The following TLL1 variants were observed in gnomAD, a reference collection of about 807,000 sequenced individuals.
TLL1 encodes tolloid-like protein 1.
TLL1 carries 49 observed loss-of-function variants against 128.2 expected under a neutral mutation model. The ratio of observed to expected loss-of-function variants is 0.38; its 90% CI spans 0.30 to 0.48. The LOEUF (loss-of-function observed/expected upper bound fraction) is 0.48, where lower values mean the gene tolerates loss of function less well. TLL1 is among the 20% of genes least tolerant of loss of function. The pLI is 0.96. For synonymous variants in TLL1, 454 were observed against 418.8 expected (o/e 1.08, Z -1.03); for missense variants, 1,123 against 1,242.0 (o/e 0.90, Z 1.44).
At chr4:165,888,987 A>G (rs1007762451) in intron 1 of TLL1, among the ~76,000 whole-genome samples, 2 of 152,180 alleles carry the variant, frequency 1.3e-5, no homozygotes, top group African/African-American at 2.4e-5. Flanking sequence ...TCCTCTGCTT[A>G]TCTCTCTGGA....
intron 1 of TLL1, among the ~76,000 whole-genome samples, chr4:165,939,097 A>T (rs762169576): frequency 3.9e-5 from 6 of 151,966 alleles, no homozygotes; most frequent in African/African-American, 9.7e-5. Context: ...AGAAAATCTG[A>T]TCAGAAGCTC....
chr4:165,883,516 A>G (rs1446636794), intron 1 of TLL1, among the ~76,000 whole-genome samples: 1 of 152,182 alleles, frequency 6.6e-6, no homozygotes, highest in East Asian at 1.9e-4. Flanking sequence ...TTTTTGAGCT[A>G]TAAAATAAAG....
intron 1 of TLL1, among the ~76,000 whole-genome samples, chr4:165,894,025 A>G (rs933252723): frequency 6.6e-6 from 1 of 152,236 alleles, no homozygotes; most frequent in Non-Finnish European, 1.5e-5. Context: ...AACAATGGAA[A>G]TGTTTATCAT....
intron 1 of TLL1, among the ~76,000 whole-genome samples, chr4:165,878,120 T>G (rs1324493468): frequency 6.6e-6 from 1 of 152,208 alleles, no homozygotes; most frequent in Non-Finnish European, 1.5e-5. Flanking sequence ...CCTCAGTTTA[T>G]AATTTCTAGG....
At chr4:165,949,929 T>C (rs1734429900) in intron 1 of TLL1, among the ~76,000 whole-genome samples, 1 of 152,200 alleles carries the variant, frequency 6.6e-6, no homozygotes, top group East Asian at 1.9e-4. Flanking sequence ...CCAAACATAT[T>C]AATAACCACA....
chr4:165,939,126 T>G (rs958353061), intron 1 of TLL1, among the ~76,000 whole-genome samples: 1 of 152,090 alleles, frequency 6.6e-6, no homozygotes, highest in African/African-American at 2.4e-5. Flanking sequence ...TGGATGGATC[T>G]TGCAAACTTT....
Position 166,043,433 on chromosome 4 carries a change from G to A in TLL1, c.1524+14G>A. On this transcript the variant is annotated intron_variant, in intron 12 of 20. Coordinates refer to ENST00000061240, the MANE Select transcript of TLL1 (RefSeq NM_012464.5). ...CAGTCCTTTGAGGTAAAGTCTTTTAGGCTATCTTCCTGGCAAATATTCTCC... is the reference window on the plus strand; with the variant it reads ...CAGTCCTTTGAGGTAAAGTCTTTTAAGCTATCTTCCTGGCAAATATTCTCC... 6.2e-7 allele frequency: 1 copy of A among 1,613,994 alleles called. No homozygotes were observed. The highest frequency in any genetic ancestry group is 8.5e-7 in the Non-Finnish European group (1 of 1,179,916).
At chr4:165,973,483 C>T (rs534965651) in intron 1 of TLL1, among the ~76,000 whole-genome samples, 1 of 151,932 alleles carries the variant, frequency 6.6e-6, no homozygotes, top group Non-Finnish European at 1.5e-5. Context: ...CTTTTGGTTA[C>T]AGTCCCTTGC....
intron 1 of TLL1, among the ~76,000 whole-genome samples, chr4:165,900,022 A>G (rs1366293675): frequency 2.7e-5 from 4 of 147,864 alleles, no homozygotes; most frequent in Non-Finnish European, 4.5e-5. Flanking sequence ...CTGTTTTATC[A>G]GGGACTAGGA....
chr4:166,003,413 C>T lies in TLL1; in HGVS notation c.655C>T (p.Arg219Ter), dbSNP rs965632437. 1.9e-6 allele frequency: 3 copies of T among 1,613,904 alleles called. No individual in the cohort carries two copies. The highest frequency in any genetic ancestry group is 2.2e-5 in the South Asian group (2 of 91,078). ...CAGATGCTGCTCCTATGTAGGTCGGCGAGGAAATGGACCTCAGGCAATCTC... is the reference window on the plus strand; with the variant it reads ...CAGATGCTGCTCCTATGTAGGTCGGTGAGGAAATGGACCTCAGGCAATCTC... ...PCGCCSYVGR[R>*]GNGPQAISIG... is the part of the protein sequence containing the mutation. The change falls in exon 6 of 21, where the codon CGA becomes TGA. Residue 219 changes from arginine to a stop codon, truncating the protein, a stop_gained. Transcript: ENST00000061240. LOFTEE classifies it high-confidence loss of function.
At chr4:165,993,755 C>T (rs1207539814) in intron 3 of TLL1, among the ~76,000 whole-genome samples, 2 of 152,076 alleles carry the variant, frequency 1.3e-5, no homozygotes, top group African/African-American at 4.8e-5. Context: ...AAAGCTGCTC[C>T]AGAATAGAAT....
intron 15 of TLL1, among the ~76,000 whole-genome samples, chr4:166,065,382 C>T (rs537964583): frequency 6.6e-6 from 1 of 152,126 alleles, no homozygotes; most frequent in Admixed American, 6.6e-5. Context: ...AAGCCGAACT[C>T]CTTGTTGTTA....
chr4:166,038,955 TG>T (rs997523497), intron 9 of TLL1, among the ~76,000 whole-genome samples: 3 of 152,150 alleles, frequency 2.0e-5, no homozygotes, highest in South Asian at 2.1e-4. Flanking sequence ...AAGACTTTCA[TG>T]AAAAAAATAG....
intron 12 of TLL1, among the ~76,000 whole-genome samples, chr4:166,052,139 G>A (rs923018268): frequency 4.3e-4 from 65 of 152,032 alleles, no homozygotes; most frequent in African/African-American, 1.5e-3. Context: ...GAAATTTTGA[G>A]TTTCATTTTC....
chr4:165,882,247 A>G lies in TLL1; in HGVS notation c.169+8174A>G, dbSNP rs138360263. Among the ~76,000 whole-genome samples, 642 of 152,212 alleles carry G rather than the reference A, an allele frequency of 4.2e-3. 5 individuals carry two copies. The highest frequency in any genetic ancestry group is 0.014 in the African/African-American group (593 of 41,530). On this transcript the variant is annotated intron_variant, in intron 1 of 20. Coordinates refer to ENST00000061240, the MANE Select transcript of TLL1 (RefSeq NM_012464.5). ...GAAGTCTGGCAAATTCAAAATATAT[A>G]CCATATGTAATATTTACTATACGGG... is the stretch of plus-strand genomic sequence containing the variant.
chr4:165,980,826 A>C (rs2110995885), intron 1 of TLL1, among the ~76,000 whole-genome samples: 1 of 152,242 alleles, frequency 6.6e-6, no homozygotes, highest in East Asian at 1.9e-4. Context: ...ATTGCCTAGC[A>C]CAATATCAGA....
chr4:166,079,232 G>A (rs1741176846), intron 18 of TLL1, among the ~76,000 whole-genome samples: 1 of 152,134 alleles, frequency 6.6e-6, no homozygotes, highest in African/African-American at 2.4e-5. Context: ...AAATATAGAG[G>A]CTGCATTCTT....
chr4:166,019,192 C>T (rs924620598), intron 8 of TLL1, among the ~76,000 whole-genome samples: 2 of 152,064 alleles, frequency 1.3e-5, no homozygotes, highest in African/African-American at 4.8e-5. Context: ...CCTAAATCAA[C>T]TAACACAGGC....
chr4:165,990,006 T>C (rs1192963802), intron 2 of TLL1, among the ~76,000 whole-genome samples: 7 of 151,878 alleles, frequency 4.6e-5, no homozygotes, highest in Non-Finnish European at 1.0e-4. Flanking sequence ...TATTTGAAAT[T>C]ATATAGGAAT....
Sources: gnomAD v4.1 joint callset for allele counts (sites outside exome capture counted in the v4.1 genomes callset) on GRCh38, gnomAD v4.1.1 for gene constraint, MANE v1.5 for transcripts, NCBI Gene and HGNC (gene_info 2026-07-23, HGNC 2026-07-21) for gene names.